TAFA2: variants seen among roughly 807,000 people sequenced by gnomAD.
The protein encoded by TAFA2 is chemokine-like protein TAFA-2.
Under a neutral mutation model 18.8 loss-of-function variants are expected in TAFA2, and 7 were observed. The observed-to-expected ratio is 0.37, with a 90% CI of 0.21 to 0.70. The LOEUF (loss-of-function observed/expected upper bound fraction) is 0.70. TAFA2 is among the 30% of genes least tolerant of loss of function. The pLI is 0.53. For synonymous variants in TAFA2, 60 were observed against 54.2 expected, an observed-to-expected ratio of 1.11 and a Z score of -0.47; for missense variants, 122 against 158.1, an observed-to-expected ratio of 0.77 and a Z score of 1.23.
At chr12:62,045,574 T>C (rs1881887958) in intron 1 of TAFA2, among the ~76,000 whole-genome samples, 1 of 152,186 alleles carries the variant, frequency 6.6e-6, no homozygotes, top group Non-Finnish European at 1.5e-5. Context: ...AAAATATTTA[T>C]GATTAAAGAT....
At chr12:62,105,622 T>C (rs908227027) in intron 1 of TAFA2, among the ~76,000 whole-genome samples, 1 of 152,226 alleles carries the variant, frequency 6.6e-6, no homozygotes, top group African/African-American at 2.4e-5. Context: ...TCAGTGCTCA[T>C]GTTAGAACTT....
intron 1 of TAFA2, among the ~76,000 whole-genome samples, chr12:61,889,367 T>C (rs1354362477): frequency 6.6e-6 from 1 of 152,190 alleles, no homozygotes; most frequent in Non-Finnish European, 1.5e-5. Context: ...TTCTGCGTTG[T>C]TCCCTATGGC....
chr12:62,234,597 C>T, intron 1 of TAFA2: 2 of 822,896 alleles, frequency 2.4e-6, no homozygotes, highest in Non-Finnish European at 2.2e-6. Flanking sequence ...AACACCTTTC[C>T]CGTTGCACAA....
intron 2 of TAFA2, among the ~76,000 whole-genome samples, chr12:61,789,252 C>A (rs961564783): frequency 6.6e-6 from 1 of 151,876 alleles, no homozygotes; most frequent in Non-Finnish European, 1.5e-5. Context: ...CCTAGGTTTA[C>A]TTCTAGGGAT....
At chr12:62,081,763 G>A (rs557059522) in intron 1 of TAFA2, among the ~76,000 whole-genome samples, 1 of 152,202 alleles carries the variant, frequency 6.6e-6, no homozygotes, top group African/African-American at 2.4e-5. Flanking sequence ...GTGATTACAG[G>A]CATGAGCCAC....
intron 1 of TAFA2, among the ~76,000 whole-genome samples, chr12:62,037,653 G>T (rs1881645939): frequency 6.6e-6 from 1 of 152,280 alleles, no homozygotes; most frequent in South Asian, 2.1e-4. Context: ...CAGACCATCT[G>T]TACTTTTAAT....
At chr12:62,079,645 C>T (rs1295686037) in intron 1 of TAFA2, among the ~76,000 whole-genome samples, 2 of 148,940 alleles carry the variant, frequency 1.3e-5, no homozygotes, top group Non-Finnish European at 3.0e-5. Context: ...GCCTGGGTGA[C>T]AGAGCAAGAC....
chr12:62,194,546 C>A (rs1191219700), upstream of TAFA2, among the ~76,000 whole-genome samples: 1 of 152,036 alleles, frequency 6.6e-6, no homozygotes, highest in Non-Finnish European at 1.5e-5. Flanking sequence ...CAAAATAGAA[C>A]AAAATTTCTT....
chr12:62,129,966 G>A (rs1387807542), intron 1 of TAFA2, among the ~76,000 whole-genome samples: 1 of 151,934 alleles, frequency 6.6e-6, no homozygotes, highest in Non-Finnish European at 1.5e-5. Context: ...AAGTTTTCAT[G>A]TTATGTTTTA....
At chr12:61,925,098 C>T (rs1877229215) in intron 1 of TAFA2, among the ~76,000 whole-genome samples, 1 of 151,946 alleles carries the variant, frequency 6.6e-6, no homozygotes, top group Admixed American at 6.6e-5. Flanking sequence ...AACCTTTAGA[C>T]ACCTACAAAG....
intron 2 of TAFA2, among the ~76,000 whole-genome samples, chr12:61,793,579 TC>T (rs2120934470): frequency 6.6e-6 from 1 of 151,866 alleles, no homozygotes; most frequent in South Asian, 2.1e-4. Flanking sequence ...CTCATATCTA[TC>T]AAATAAATTG....
At chr12:62,100,031 A>C (rs896105119) in intron 1 of TAFA2, among the ~76,000 whole-genome samples, 4 of 151,986 alleles carry the variant, frequency 2.6e-5, no homozygotes, top group African/African-American at 4.8e-5. Context: ...TATCAATATG[A>C]ATTTTTTTAT....
At chr12:61,888,069 G>C (rs928088848) in intron 1 of TAFA2, among the ~76,000 whole-genome samples, 2 of 151,848 alleles carry the variant, frequency 1.3e-5, no homozygotes, top group South Asian at 4.2e-4. Flanking sequence ...TCATTAAAAA[G>C]TCAGGAAACA....
chr12:61,847,669 A>C (rs1403332082), intron 2 of TAFA2, among the ~76,000 whole-genome samples: 2 of 152,208 alleles, frequency 1.3e-5, no homozygotes, highest in Non-Finnish European at 2.9e-5. Flanking sequence ...AAGGAAAAAA[A>C]ATTTAAAGCA....
intron 1 of TAFA2, among the ~76,000 whole-genome samples, chr12:61,871,575 G>GGCA (rs1462728448): frequency 6.6e-6 from 1 of 152,152 alleles, no homozygotes; most frequent in Non-Finnish European, 1.5e-5. Context: ...ATCGCTCCCA[G>GGCA]GCAGCAGCAG....
At chr12:62,079,483 T>C (rs1165168097) in intron 1 of TAFA2, among the ~76,000 whole-genome samples, 1 of 145,822 alleles carries the variant, frequency 6.9e-6, no homozygotes. Flanking sequence ...TGAAACCCCG[T>C]CTCTACTAAA....
upstream of TAFA2, among the ~76,000 whole-genome samples, chr12:62,259,238 A>G (rs902864074): frequency 5.9e-5 from 9 of 152,228 alleles, no homozygotes; most frequent in Non-Finnish European, 1.3e-4. Flanking sequence ...ACCCCTGGAC[A>G]TCATGCTCGG....
intron 1 of TAFA2, among the ~76,000 whole-genome samples, chr12:62,079,332 A>G (rs1243202881): frequency 1.3e-5 from 2 of 152,012 alleles, no homozygotes; most frequent in Admixed American, 6.6e-5. Flanking sequence ...GGCCTCTGGG[A>G]CTGTAGACAA....
Position 62,184,940 on chromosome 12 carries a change from T to C in TAFA2, c.-2+6319A>G, listed in dbSNP as rs954941406. Among the ~76,000 whole-genome samples the C allele has an allele frequency of 5.3e-5, 8 of 152,300 alleles. No individual in the cohort carries two copies. The South Asian group carries it at 1.4e-3, about 28-fold the overall frequency. The stretch of plus-strand genomic sequence containing the variant: ...TAGAGCTACAAAGCATCTCCAGAGC[T>C]CTCGCCACTGCACCACACTGGTTTT... On this transcript the variant is annotated intron_variant, in intron 1 of 4. Coordinates refer to ENST00000416284, the MANE Select transcript of TAFA2 (RefSeq NM_178539.5).
Sources: gnomAD v4.1 joint callset for allele counts (sites outside exome capture counted in the v4.1 genomes callset) on GRCh38, gnomAD v4.1.1 for gene constraint, MANE v1.5 for transcripts, NCBI Gene and HGNC (gene_info 2026-07-23, HGNC 2026-07-21) for gene names.